Variants in PDE4D observed in about 807,000 individuals in gnomAD.
PDE4D encodes the protein phosphodiesterase 4D.
PDE4D carries 24 observed loss-of-function variants against 87.4 expected under a neutral mutation model. The observed-to-expected ratio is 0.27, with a 90% CI of 0.20 to 0.39. PDE4D has a LOEUF of 0.39. PDE4D is among the 10% of genes least tolerant of loss of function. The probability of loss-of-function intolerance (pLI) is 1.00; values close to 1 mark genes in which losing one functional copy is unlikely to be tolerated. For synonymous variants in PDE4D, 384 were observed against 383.2 expected, an observed-to-expected ratio of 1.00 and a Z score of -0.02; for missense variants, 714 against 1,041.0, an observed-to-expected ratio of 0.69 and a Z score of 4.32.
intron 1 of PDE4D, among the ~76,000 whole-genome samples, chr5:59,612,965 T>TG (rs755781745): frequency 2.6e-5 from 4 of 152,182 alleles, no homozygotes; most frequent in Non-Finnish European, 5.9e-5. Flanking sequence ...AATTTCATTT[T>TG]GAGGAAAATC....
intron 6 of PDE4D, among the ~76,000 whole-genome samples, chr5:59,000,644 T>C (rs1003380717): frequency 3.3e-5 from 5 of 152,156 alleles, no homozygotes; most frequent in African/African-American, 1.2e-4. Flanking sequence ...AGGAATGCAG[T>C]GTTTTGTATA....
intron 2 of PDE4D, among the ~76,000 whole-genome samples, chr5:60,117,813 AACACACACACATACAC>A (rs1213312823): frequency 1.3e-5 from 2 of 150,758 alleles, no homozygotes; most frequent in Admixed American, 1.3e-4. Flanking sequence ...ACTAAACACA[AACACACACACATACAC>A]ACACACACAC....
chr5:59,537,855 CTTATT>C (rs1202333690), intron 1 of PDE4D, among the ~76,000 whole-genome samples: 1 of 152,082 alleles, frequency 6.6e-6, no homozygotes, highest in Non-Finnish European at 1.5e-5. Context: ...AATGGGAACT[CTTATT>C]TTATCCTGTA....
intron 6 of PDE4D, among the ~76,000 whole-genome samples, chr5:59,009,249 A>G (rs970346257): frequency 6.6e-6 from 1 of 152,172 alleles, no homozygotes; most frequent in Non-Finnish European, 1.5e-5. Context: ...AAATGAAAAC[A>G]TATGTCTATA....
chr5:59,487,072 A>G (rs1805278734), intron 1 of PDE4D, among the ~76,000 whole-genome samples: 1 of 152,240 alleles, frequency 6.6e-6, no homozygotes, highest in Non-Finnish European at 1.5e-5. Context: ...TCATTTAAAT[A>G]TGTAAGATCA....
chr5:59,129,556 A>G (rs1775975577), intron 5 of PDE4D, among the ~76,000 whole-genome samples: 1 of 152,164 alleles, frequency 6.6e-6, no homozygotes, highest in Non-Finnish European at 1.5e-5. Context: ...TTGCTAATAT[A>G]TTTTATTTGC....
chr5:59,137,620 G>A (rs1777285739), intron 5 of PDE4D, among the ~76,000 whole-genome samples: 1 of 150,548 alleles, frequency 6.6e-6, no homozygotes, highest in South Asian at 2.1e-4. Context: ...TCCGCCTCCC[G>A]GGTTCACGCC....
At chr5:60,102,693 G>C (rs1776356794) in intron 2 of PDE4D, among the ~76,000 whole-genome samples, 1 of 152,094 alleles carries the variant, frequency 6.6e-6, no homozygotes, top group Non-Finnish European at 1.5e-5. Context: ...AGTTGAAATA[G>C]AAAACAGATA....
At chr5:60,179,630 T>C (rs1784220083) in intron 2 of PDE4D, among the ~76,000 whole-genome samples, 1 of 152,112 alleles carries the variant, frequency 6.6e-6, no homozygotes, top group Non-Finnish European at 1.5e-5. Context: ...TACCAAGACA[T>C]AGATGCACAG....
chr5:60,299,295 C>T (rs1379643295), intron 1 of PDE4D, among the ~76,000 whole-genome samples: 2 of 152,074 alleles, frequency 1.3e-5, no homozygotes, highest in Non-Finnish European at 2.9e-5. Flanking sequence ...ACTTTGAAAC[C>T]GTAAAGGGAA....
chr5:60,449,071 GCACACACA>G (rs35440197), intron 1 of PDE4D, among the ~76,000 whole-genome samples: 7 of 95,142 alleles, frequency 7.4e-5, no homozygotes, highest in Admixed American at 4.2e-4. Flanking sequence ...AACTGCCCGC[GCACACACA>G]CACACACACA....
intron 1 of PDE4D, among the ~76,000 whole-genome samples, chr5:59,783,118 G>A (rs1764791745): frequency 6.6e-6 from 1 of 152,188 alleles, no homozygotes; most frequent in South Asian, 2.1e-4. Flanking sequence ...CTAAAATGAG[G>A]AGAAGCTCAG....
intron 2 of PDE4D, among the ~76,000 whole-genome samples, chr5:60,069,320 T>A (rs572845684): frequency 6.6e-6 from 1 of 152,298 alleles, no homozygotes; most frequent in African/African-American, 2.4e-5. Flanking sequence ...TGCTTCACCT[T>A]TCCACCATGT....
intron 2 of PDE4D, among the ~76,000 whole-genome samples, chr5:60,176,679 C>T (rs1266760425): frequency 6.6e-6 from 1 of 151,976 alleles, no homozygotes; most frequent in Non-Finnish European, 1.5e-5. Context: ...GTGTGAGACA[C>T]GAAATGTTAT....
At chr5:59,541,754 T>C (rs1816388586) in intron 1 of PDE4D, among the ~76,000 whole-genome samples, 1 of 152,236 alleles carries the variant, frequency 6.6e-6, no homozygotes, top group South Asian at 2.1e-4. Flanking sequence ...AACTTATAGT[T>C]CTTTACCTTC....
intron 1 of PDE4D, among the ~76,000 whole-genome samples, chr5:59,338,116 G>A (rs1017464435): frequency 2.0e-5 from 3 of 152,172 alleles, no homozygotes; most frequent in Admixed American, 2.0e-4. Context: ...CCACTAATAT[G>A]TGATATCCCA....
chr5:59,465,995 T>C (rs553960030), intron 1 of PDE4D, among the ~76,000 whole-genome samples: 1 of 152,330 alleles, frequency 6.6e-6, no homozygotes, highest in African/African-American at 2.4e-5. Flanking sequence ...TATAAAATTG[T>C]GGCACCATGT....
At chr5:60,315,954 T>C (rs1438490018) in intron 1 of PDE4D, among the ~76,000 whole-genome samples, 1 of 152,204 alleles carries the variant, frequency 6.6e-6, no homozygotes, top group Non-Finnish European at 1.5e-5. Context: ...GGCTTAGGAT[T>C]GACTTGGCAA....
chr5:59,793,419 T>A (rs2082415256), intron 1 of PDE4D, among the ~76,000 whole-genome samples: 1 of 152,216 alleles, frequency 6.6e-6, no homozygotes, highest in African/African-American at 2.4e-5. Context: ...CAGAATTTAA[T>A]CTAAGATGCT....
Sources: allele counts gnomAD v4.1 joint callset (sites outside exome capture counted in the v4.1 genomes callset), GRCh38; gene constraint gnomAD v4.1.1; transcripts MANE v1.5; gene names NCBI Gene and HGNC (gene_info 2026-07-23, HGNC 2026-07-21).